MROH7: variants seen among roughly 807,000 people sequenced by gnomAD.
MROH7 encodes maestro heat-like repeat-containing protein family member 7.
In MROH7, 113 loss-of-function variants were observed where a neutral mutation model predicts 129.2. The observed-to-expected ratio is 0.87, with a 90% CI of 0.75 to 1.02. MROH7 has a LOEUF of 1.02. Among genes scored for constraint, MROH7 ranks in the 50% least tolerant of loss-of-function variants. MROH7 has a pLI of 0.00. For synonymous variants in MROH7, 655 were observed against 667.9 expected, an observed-to-expected ratio of 0.98 and a Z score of 0.30; for missense variants, 1,601 against 1,671.3, an observed-to-expected ratio of 0.96 and a Z score of 0.73.
chr1:54,699,093 C>CTGCCTTTCTTTTTTTTTTTTCTTT (rs1406420741), intron 17 of MROH7: 4 of 107,984 alleles, frequency 3.7e-5, no homozygotes, highest in African/African-American at 1.3e-4. Context: ...CTTGCCTGGC[C>CTGCCTTTCTTTTTTTTTTTTCTTT]TTTTCTTTCT....
At chr1:54,648,618 G>A (rs1467630040) in intron 1 of MROH7, among the ~76,000 whole-genome samples, 4 of 151,994 alleles carry the variant, frequency 2.6e-5, no homozygotes, top group Admixed American at 2.0e-4. Context: ...CACCCAGCTC[G>A]GCCTCCCAGA....
intron 17 of MROH7, chr1:54,697,564 G>A (rs1335301804): frequency 1.6e-6 from 1 of 617,670 alleles, no homozygotes; most frequent in African/African-American, 1.8e-5. Context: ...GAGGGAAAGA[G>A]AAAGGGAAAC....
chr1:54,686,805 G>A (rs1290277983), intron 15 of MROH7, among the ~76,000 whole-genome samples: 1 of 152,068 alleles, frequency 6.6e-6, no homozygotes, highest in Non-Finnish European at 1.5e-5. Flanking sequence ...GATAATATAG[G>A]CACATGGGTA....
In MROH7 at chr1:54,695,502, G is replaced by T. The variant is rs773615337; in HGVS notation, c.2964+12G>T. ...CCTTCTTCGTGGAGGTACCAACGGG[G>T]GCAGCGGGTACACAGCGGGAGCTCC... On this transcript the variant is annotated intron_variant, in intron 17 of 23. Transcript: ENST00000421030. 4 of 1,588,106 alleles carry T rather than the reference G, an allele frequency of 2.5e-6. No homozygotes were observed. The highest frequency in any genetic ancestry group is 3.5e-6 in the Non-Finnish European group (4 of 1,158,188).
intron 1 of MROH7, among the ~76,000 whole-genome samples, chr1:54,650,682 C>A (rs1424589913): frequency 6.6e-6 from 1 of 151,880 alleles, no homozygotes; most frequent in Admixed American, 6.6e-5. Context: ...ACTTTCCTTA[C>A]CAATGTTTAG....
chr1:54,695,656 CCT>C (rs1331211296), intron 17 of MROH7, 166 bp downstream of exon 17: 2 of 680,440 alleles, frequency 2.9e-6, no homozygotes. Context: ...CCCTCCCCTC[CCT>C]GTCTCTCCAC....
intron 15 of MROH7, among the ~76,000 whole-genome samples, chr1:54,687,232 C>T (rs1307764079): frequency 2.6e-5 from 4 of 152,154 alleles, no homozygotes; most frequent in African/African-American, 9.7e-5. Flanking sequence ...TGCCACCATG[C>T]CCAGCTAATT....
rs777574794 is a variant in MROH7 at position 54,663,712 on chromosome 1, A to AAC, written c.1232-1455_1232-1454insAC. 2.4e-3 allele frequency: 1,009 copies of AAC among 412,692 alleles called. 8 individuals are homozygous for AAC. Among genetic ancestry groups the AAC allele is most frequent in the Admixed American group, 4.1e-3 (123 of 30,082 alleles). The allele number at this position is 412,692 out of a possible 1,614,324, so 25.6% of individuals were successfully genotyped here. A position where few individuals can be genotyped will look rare whatever the true frequency, so the allele number is the denominator to read the frequency against. ...AAAAAAAAAAAAAAACAAAAAAAAAACAAGCTTTTGTGTCCCTTTGACATT... is the reference window on the plus strand; with the variant it reads ...AAAAAAAAAAAAAAACAAAAAAAAAAACCAAGCTTTTGTGTCCCTTTGACATT... On this transcript the variant is annotated intron_variant, in intron 3 of 23. Coordinates refer to ENST00000421030, the MANE Select transcript of MROH7 (RefSeq NM_001039464.4).
chr1:54,691,207 T>TGCTAGAGGCATTGCCAGTA (rs1222077678), intron 15 of MROH7, among the ~76,000 whole-genome samples: 1 of 152,190 alleles, frequency 6.6e-6, no homozygotes, highest in Non-Finnish European at 1.5e-5. Flanking sequence ...CTATCATTGA[T>TGCTAGAGGCATTGCCAGTA]GGCACACATT....
chr1:54,647,357 C>G (rs770674325), intron 1 of MROH7, among the ~76,000 whole-genome samples: 1 of 151,950 alleles, frequency 6.6e-6, no homozygotes, highest in Non-Finnish European at 1.5e-5. Context: ...TGCCTGTAAT[C>G]CCAGCACTTT....
At chr1:54,652,225 T>G (rs1262003394) in intron 2 of MROH7, among the ~76,000 whole-genome samples, 1 of 152,198 alleles carries the variant, frequency 6.6e-6, no homozygotes, top group Non-Finnish European at 1.5e-5. Flanking sequence ...AGAGTAGTTC[T>G]AGCAACTTAG....
At chr1:54,651,540 G>A (rs1054086084) in intron 1 of MROH7, 1 of 152,380 alleles carries the variant, frequency 6.6e-6, no homozygotes, top group African/African-American at 2.4e-5. Flanking sequence ...ACTCTGCAAG[G>A]GTGGAACGGA....
chr1:54,644,271 G>A (rs1644429788), intron 1 of MROH7, among the ~76,000 whole-genome samples: 1 of 151,598 alleles, frequency 6.6e-6, no homozygotes, highest in Non-Finnish European at 1.5e-5. Context: ...TCTCTTTGTT[G>A]TTTAGACCTT....
chr1:54,695,416 C>A lies in MROH7; in HGVS notation c.2890C>A (p.Leu964Ile). 2 of 1,613,742 alleles carry A rather than the reference C, an allele frequency of 1.2e-6. No homozygotes were observed. Among genetic ancestry groups the A allele is most frequent in the Non-Finnish European group, 1.7e-6 (2 of 1,179,848 alleles). ...CTCCTGCCAGGAGCTGTGCCGCATC[C>A]TCTACCTGCTCATCCCGCTCCTGGA... ...QYSCQELCRI[L>I]YLLIPLLERG... The change falls in exon 17 of 24, where the codon CTC becomes ATC. Residue 964 changes from leucine (L) to isoleucine (I), a missense_variant. Leu to Ile is a conservative substitution (Grantham distance 5, BLOSUM62 2). Transcript: ENST00000421030.
chr1:54,699,152 T>G (rs1307353112), intron 17 of MROH7: 16 of 83,408 alleles, frequency 1.9e-4, no homozygotes, highest in African/African-American at 5.9e-4. Flanking sequence ...CTTTCTTTCT[T>G]TCTTTCTTTT....
At position 54,664,263 on chromosome 1, in the gene MROH7, G is replaced by C. The variant is rs910159708; in HGVS notation, c.1232-904G>C. ...AAAGAAAGTGAAGAGATTGGGGGCT[G>C]ACAGAACAGCAGATGCCTCTCATAA... On this transcript the variant is annotated intron_variant, in intron 3 of 23. Transcript: ENST00000421030. 9.2e-5 allele frequency among the ~76,000 whole-genome samples: 14 copies of C among 152,238 alleles called. 1 individual carries two copies. In the East Asian group the frequency reaches 2.5e-3, roughly 27 times the overall value.
chr1:54,684,540 A>G (rs564985455), intron 14 of MROH7, among the ~76,000 whole-genome samples: 1 of 152,384 alleles, frequency 6.6e-6, no homozygotes, highest in Admixed American at 6.5e-5. Flanking sequence ...GCCTGAACTC[A>G]TTCTTATCTT....
chr1:54,663,558 G>A (rs1323141799), intron 3 of MROH7, among the ~76,000 whole-genome samples: 1 of 152,004 alleles, frequency 6.6e-6, no homozygotes, highest in East Asian at 1.9e-4. Context: ...ATTTTTAGTA[G>A]AGGTGGGGTT....
chr1:54,659,200 T>C, intron 3 of MROH7: 1 of 347,950 alleles, frequency 2.9e-6, no homozygotes, highest in South Asian at 2.2e-5. Context: ...GTTCAAGTGA[T>C]TCTCCTGCCT....
Sources: gnomAD v4.1 joint callset for allele counts (sites outside exome capture counted in the v4.1 genomes callset) on GRCh38, gnomAD v4.1.1 for gene constraint, MANE v1.5 for transcripts, NCBI Gene and HGNC (gene_info 2026-07-23, HGNC 2026-07-21) for gene names.